The following OLFM3 variants were observed in gnomAD, a reference collection of about 807,000 sequenced individuals.
OLFM3 encodes noelin-3.
OLFM3 carries 20 observed loss-of-function variants against 48.6 expected under a neutral mutation model. The ratio of observed to expected loss-of-function variants is 0.41; its 90% confidence interval spans 0.29 to 0.60. OLFM3 has a LOEUF of 0.60. Ranked by LOEUF, OLFM3 falls within the 20% of genes least tolerant of loss-of-function variation. OLFM3 has a pLI of 0.28. For missense variants in OLFM3, 437 were observed against 544.3 expected, an observed-to-expected ratio of 0.80 and a Z score of 1.96; for synonymous variants, 222 against 198.1, an observed-to-expected ratio of 1.12 and a Z score of -1.01.
intron 1 of OLFM3, among the ~76,000 whole-genome samples, chr1:101,965,733 G>T (rs1159694344): frequency 6.6e-6 from 1 of 152,042 alleles, no homozygotes; most frequent in Non-Finnish European, 1.5e-5. Context: ...AAATGAAGAG[G>T]TTATATATTT....
At chr1:101,883,920 A>T (rs1657637503) in intron 1 of OLFM3, among the ~76,000 whole-genome samples, 2 of 151,918 alleles carry the variant, frequency 1.3e-5, no homozygotes, top group Non-Finnish European at 2.9e-5. Context: ...ACAAATGGAA[A>T]TAAAAAACTT....
intron 1 of OLFM3, among the ~76,000 whole-genome samples, chr1:101,872,848 G>T (rs1004840580): frequency 6.6e-6 from 1 of 151,810 alleles, no homozygotes; most frequent in Non-Finnish European, 1.5e-5. Context: ...ATTGAAGATT[G>T]TCTAGCACTC....
chr1:101,956,669 G>C (rs1453681337), intron 1 of OLFM3, among the ~76,000 whole-genome samples: 1 of 151,682 alleles, frequency 6.6e-6, no homozygotes, highest in African/African-American at 2.4e-5. Context: ...ATTTTATCTA[G>C]ACTTACTATA....
rs527408481 is a variant in OLFM3 at position 101,825,400 on chromosome 1, G to A, written c.373-155C>T. 3.7e-4 allele frequency among the ~76,000 whole-genome samples: 56 copies of A among 152,064 alleles called. No homozygotes were observed. In the South Asian group the frequency reaches 9.4e-3, roughly 25 times the overall value. On this transcript the variant is annotated intron_variant, in intron 3 of 5. Transcript: ENST00000370103. Reference sequence around the variant, plus strand: ...TTAGGTATTTTGTGAAAATTTAAGCGGTCATGTGATTATTACTAGTAAGTC... The same window carrying A: ...TTAGGTATTTTGTGAAAATTTAAGCAGTCATGTGATTATTACTAGTAAGTC...
intron 3 of OLFM3, among the ~76,000 whole-genome samples, 183 bp downstream of exon 3, chr1:101,830,489 G>C (rs1232209146): frequency 2.4e-4 from 37 of 152,128 alleles, no homozygotes; most frequent in Admixed American, 2.3e-3. Context: ...TCTATAGCAA[G>C]ACTTCCATGT....
At chr1:101,975,370 C>T (rs10874529) in intron 1 of OLFM3, among the ~76,000 whole-genome samples, 83,909 of 152,016 alleles carry the variant, frequency 0.55, 23,579 homozygotes, top group East Asian at 0.73. Flanking sequence ...TCTATGGAAA[C>T]GTAACAACAT....
At chr1:101,847,026 G>T in intron 1 of OLFM3, 1 of 1,556,842 alleles carries the variant, frequency 6.4e-7, no homozygotes, top group South Asian at 1.2e-5. Flanking sequence ...CCGGTGCCGG[G>T]CTGGCAGCGG....
At chr1:101,870,971 A>G (rs1657059436) in intron 1 of OLFM3, among the ~76,000 whole-genome samples, 2 of 152,232 alleles carry the variant, frequency 1.3e-5, no homozygotes, top group South Asian at 4.1e-4. Flanking sequence ...AAAGAAAAAA[A>G]GAAAAGATCC....
rs548560855 is a variant in OLFM3 at position 101,984,656 on chromosome 1, T to C, written c.69+12092A>G. ...CTCAGGTGATCCACCCACCTAGGCC[T>C]CCCAAAGTGCTGGGATTACAGGCTT... On this transcript the variant is annotated intron_variant, in intron 1 of 5. Transcript: ENST00000370103. Among the ~76,000 whole-genome samples the C allele has an allele frequency of 1.1e-3, 172 of 152,332 alleles. 1 individual carries two copies. Among genetic ancestry groups the C allele is most frequent in the African/African-American group, 3.9e-3 (162 of 41,590 alleles).
At chr1:101,891,410 A>G (rs1162135840) in intron 1 of OLFM3, among the ~76,000 whole-genome samples, 1 of 151,952 alleles carries the variant, frequency 6.6e-6, no homozygotes, top group Non-Finnish European at 1.5e-5. Flanking sequence ...ATAACATGCT[A>G]GTTATTACTA....
At chr1:101,863,951 T>A (rs1364125176) in intron 1 of OLFM3, among the ~76,000 whole-genome samples, 1 of 152,186 alleles carries the variant, frequency 6.6e-6, no homozygotes, top group Non-Finnish European at 1.5e-5. Flanking sequence ...AATTGTCTCA[T>A]AGGATGGATC....
At chr1:101,879,476 A>C (rs1319366651) in intron 1 of OLFM3, among the ~76,000 whole-genome samples, 2 of 151,786 alleles carry the variant, frequency 1.3e-5, no homozygotes, top group Non-Finnish European at 2.9e-5. Flanking sequence ...CGTTTGTAAA[A>C]GATTTTGATT....
chr1:101,932,039 C>T (rs932292306), intron 1 of OLFM3, among the ~76,000 whole-genome samples: 5 of 152,086 alleles, frequency 3.3e-5, no homozygotes, highest in African/African-American at 9.7e-5. Context: ...ATATGCATGG[C>T]TCTGGATTAT....
At chr1:101,920,152 T>A (rs1370741119) in intron 1 of OLFM3, among the ~76,000 whole-genome samples, 1 of 152,202 alleles carries the variant, frequency 6.6e-6, no homozygotes, top group Non-Finnish European at 1.5e-5. Flanking sequence ...TCTGTTTGTG[T>A]TGCTTCCCTA....
intron 1 of OLFM3, among the ~76,000 whole-genome samples, chr1:101,921,200 T>TACACAC (rs142071103): frequency 0.089 from 13,151 of 148,058 alleles, 1,071 homozygotes; most frequent in East Asian, 0.43. Flanking sequence ...TTTAAGTTTA[T>TACACAC]ACACACACAC....
At chr1:101,971,828 C>T (rs2101097243) in intron 1 of OLFM3, among the ~76,000 whole-genome samples, 1 of 151,978 alleles carries the variant, frequency 6.6e-6, no homozygotes, top group Admixed American at 6.6e-5. Flanking sequence ...CTAAAGGAAT[C>T]TTTTTTTGTT....
At chr1:101,891,305 G>A (rs1421270253) in intron 1 of OLFM3, among the ~76,000 whole-genome samples, 1 of 151,898 alleles carries the variant, frequency 6.6e-6, no homozygotes, top group East Asian at 1.9e-4. Context: ...ATTTTGCAGA[G>A]ATTCAGGAGG....
At chr1:101,996,054 G>A (rs897806463) in intron 1 of OLFM3, among the ~76,000 whole-genome samples, 15 of 152,108 alleles carry the variant, frequency 9.9e-5, no homozygotes, top group Middle Eastern at 6.8e-3. Context: ...AGAGTTCAAC[G>A]TCTATGAGTT....
chr1:101,942,466 A>T (rs1327555025), intron 1 of OLFM3, among the ~76,000 whole-genome samples: 3 of 152,190 alleles, frequency 2.0e-5, no homozygotes, highest in Admixed American at 6.5e-5. Context: ...ATATATTCAT[A>T]CTGGGGGAAA....
Sources: gnomAD v4.1 joint callset for allele counts (sites outside exome capture counted in the v4.1 genomes callset) on GRCh38, gnomAD v4.1.1 for gene constraint, MANE v1.5 for transcripts, NCBI Gene and HGNC (gene_info 2026-07-23, HGNC 2026-07-21) for gene names.